The following NDUFAF5 variants were observed in gnomAD, a reference collection of about 807,000 sequenced individuals.
NDUFAF5 encodes NADH:ubiquinone oxidoreductase complex assembly factor 5.
A neutral mutation model predicts 48.9 loss-of-function variants in NDUFAF5; 34 were observed. That is an observed-to-expected ratio of 0.70 (90% CI 0.53 to 0.93). The LOEUF is 0.93. NDUFAF5 is among the 40% of genes least tolerant of loss of function. NDUFAF5 has a pLI of 0.00. For missense variants in NDUFAF5, 428 were observed against 427.5 expected (o/e 1.00, Z -0.01); for synonymous variants, 153 against 150.6 (o/e 1.02, Z -0.12).
At chr20:13,809,541 A>G (rs900561629) in intron 8 of NDUFAF5, among the ~76,000 whole-genome samples, 4 of 152,190 alleles carry the variant, frequency 2.6e-5, no homozygotes, top group Non-Finnish European at 5.9e-5. Context: ...TCAGGGAGTA[A>G]GAAGGAGAGA....
rs1394201872 is a variant in NDUFAF5 at position 13,817,651 on chromosome 20, T to C, written c.*441T>C. ...TCTTTATTAAATCCCTCCTCAACTC[T>C]TTTTTTTTAAAGCATCTGAATTTAA... On this transcript the variant is annotated 3_prime_UTR_variant, in exon 11 of 11. Transcript: ENST00000378106. 2.2e-6 allele frequency: 1 copy of C among 453,106 alleles called. No individual in the cohort carries two copies. Among genetic ancestry groups the C allele is most frequent in the Non-Finnish European group, 4.4e-6 (1 of 226,662 alleles). The allele number at this position is 453,106 out of a possible 1,614,324, so 28.1% of individuals were successfully genotyped here. A position where few individuals can be genotyped will look rare whatever the true frequency, so the allele number is the denominator to read the frequency against.
intron 8 of NDUFAF5, chr20:13,815,942 G>GCATTA (rs1307753699): frequency 1.4e-4 from 1 of 7,200 alleles, no homozygotes; most frequent in Non-Finnish European, 2.6e-4. Context: ...TCCTAATGTG[G>GCATTA]GATTAGTAAA....
At chr20:13,789,175 T>G (rs890201292) in intron 3 of NDUFAF5, among the ~76,000 whole-genome samples, 2 of 152,236 alleles carry the variant, frequency 1.3e-5, no homozygotes, top group African/African-American at 4.8e-5. Context: ...GAATTTCTTT[T>G]TTTTTCTGAG....
chr20:13,814,037 C>G (rs964200400), intron 8 of NDUFAF5: 2 of 195,152 alleles, frequency 1.0e-5, no homozygotes, highest in African/African-American at 4.7e-5. Flanking sequence ...GAAGGGAAGA[C>G]TAGAGCTAAC....
At chr20:13,794,062 T>A (rs1484843529) in intron 4 of NDUFAF5, among the ~76,000 whole-genome samples, 1 of 152,228 alleles carries the variant, frequency 6.6e-6, no homozygotes, top group East Asian at 1.9e-4. Flanking sequence ...CTTCATTGTA[T>A]ATGTTGTAAA....
chr20:13,789,995 T>A (rs919449132), intron 3 of NDUFAF5, among the ~76,000 whole-genome samples: 1 of 152,178 alleles, frequency 6.6e-6, no homozygotes, highest in Non-Finnish European at 1.5e-5. Context: ...GAATCTGACC[T>A]GGGATTTGAA....
chr20:13,807,112 T>C (rs1600374899), intron 7 of NDUFAF5, among the ~76,000 whole-genome samples: 1 of 151,766 alleles, frequency 6.6e-6, no homozygotes, highest in African/African-American at 2.4e-5. Context: ...CGTGGCGTGA[T>C]CTCGGCTCAC....
At position 13,801,763 on chromosome 20, in the gene NDUFAF5, A is replaced by G. The variant is rs1015517; in HGVS notation, c.717+80A>G. On this transcript the variant is annotated intron_variant, in intron 7 of 10. Transcript: ENST00000378106. Reference sequence around the variant, plus strand: ...TATCATTTTAAAGATAGAAAACTGTATGTGTTCATGGTTTCATGGCACTCT... The same window carrying G: ...TATCATTTTAAAGATAGAAAACTGTGTGTGTTCATGGTTTCATGGCACTCT... 0.93 allele frequency: 1,168,041 copies of G among 1,256,506 alleles called. 544,807 individuals are homozygous for G. Among genetic ancestry groups the G allele is most frequent in the African/African-American group, 0.97 (65,806 of 68,144 alleles). 77.8% of individuals were successfully genotyped at this position (1,256,506 alleles called of 1,614,324 possible). A position where few individuals can be genotyped will look rare whatever the true frequency, so the allele number is the denominator to read the frequency against.
intron 8 of NDUFAF5, among the ~76,000 whole-genome samples, chr20:13,815,091 G>A (rs538568749): frequency 7.2e-5 from 11 of 152,240 alleles, no homozygotes; most frequent in South Asian, 4.1e-4. Flanking sequence ...AGAATTTCTA[G>A]TGCATCACAT....
chr20:13,815,507 T>C (rs758783828), intron 8 of NDUFAF5, among the ~76,000 whole-genome samples: 6 of 152,218 alleles, frequency 3.9e-5, no homozygotes, highest in Non-Finnish European at 5.9e-5. Context: ...TCTTTTGAGA[T>C]TAAAGAGAAG....
At chr20:13,816,090 A>C in intron 8 of NDUFAF5, 1 of 353,642 alleles carries the variant, frequency 2.8e-6, no homozygotes, top group Non-Finnish European at 5.5e-6. Flanking sequence ...TCCTCCAAAG[A>C]GCAGCTAAAA....
At chr20:13,796,233 T>A (rs929294533) in intron 5 of NDUFAF5, among the ~76,000 whole-genome samples, 7 of 152,228 alleles carry the variant, frequency 4.6e-5, no homozygotes, top group African/African-American at 9.6e-5. Flanking sequence ...TGATGTTTTC[T>A]TTCGTGAGTG....
intron 3 of NDUFAF5, among the ~76,000 whole-genome samples, chr20:13,791,488 G>A (rs1258009675): frequency 1.3e-5 from 2 of 152,180 alleles, no homozygotes; most frequent in African/African-American, 4.8e-5. Context: ...TAAACTCTCT[G>A]AGGCAAGAAT....
chr20:13,799,191 G>C (rs1332367915), intron 6 of NDUFAF5, among the ~76,000 whole-genome samples: 1 of 152,168 alleles, frequency 6.6e-6, no homozygotes. Context: ...CAGTATTTAG[G>C]AGGATTTGAG....
intron 6 of NDUFAF5, 131 bp downstream of exon 6, chr20:13,798,631 C>A: frequency 2.6e-6 from 2 of 763,610 alleles, no homozygotes; most frequent in Non-Finnish European, 4.6e-6. Flanking sequence ...GTGAAATCAT[C>A]TGGTGCCATT....
At chr20:13,792,938 C>T (rs1298591554) in intron 3 of NDUFAF5, among the ~76,000 whole-genome samples, 3 of 152,128 alleles carry the variant, frequency 2.0e-5, no homozygotes, top group Non-Finnish European at 4.4e-5. Flanking sequence ...GAAGCCCTCA[C>T]CCAGTGTAGT....
chr20:13,795,098 G>A (rs776354192), intron 5 of NDUFAF5, among the ~76,000 whole-genome samples, 157 bp downstream of exon 5: 13 of 152,148 alleles, frequency 8.5e-5, no homozygotes, highest in Non-Finnish European at 1.3e-4. Context: ...TTTGAAACCA[G>A]CCTTGCCAAC....
intron 7 of NDUFAF5, 102 bp downstream of exon 7, chr20:13,801,785 C>T (rs925476401): frequency 2.1e-6 from 2 of 973,402 alleles, no homozygotes; most frequent in African/African-American, 1.6e-5. Flanking sequence ...TTTCATGGCA[C>T]TCTTTCTCTC....
intron 6 of NDUFAF5, among the ~76,000 whole-genome samples, chr20:13,800,149 G>A (rs1983902155): frequency 6.6e-6 from 1 of 152,126 alleles, no homozygotes; most frequent in South Asian, 2.1e-4. Flanking sequence ...GCTGAAGTTA[G>A]GGATTGGAAA....
Sources: gnomAD v4.1 joint callset for allele counts (sites outside exome capture counted in the v4.1 genomes callset) on GRCh38, gnomAD v4.1.1 for gene constraint, MANE v1.5 for transcripts, NCBI Gene and HGNC (gene_info 2026-07-23, HGNC 2026-07-21) for gene names.